RETREG1: variants seen among roughly 807,000 people sequenced by gnomAD.
RETREG1 encodes family with sequence similarity 134 member B.
A neutral mutation model predicts 54.8 loss-of-function variants in RETREG1; 44 were observed. The ratio of observed to expected loss-of-function variants is 0.80; its 90% CI spans 0.63 to 1.03. The LOEUF (loss-of-function observed/expected upper bound fraction) is 1.03. RETREG1 is among the 50% of genes least tolerant of loss of function. The pLI is 0.00. For missense variants in RETREG1, 554 were observed against 605.1 expected (o/e 0.92, Z 0.89); for synonymous variants, 217 against 238.5 (o/e 0.91, Z 0.83).
intron 3 of RETREG1, among the ~76,000 whole-genome samples, chr5:16,549,829 T>C (rs961949280): frequency 1.3e-5 from 2 of 150,446 alleles, no homozygotes; most frequent in African/African-American, 5.0e-5. Flanking sequence ...AAGATTGTAA[T>C]AACTGGCCCC....
intron 1 of RETREG1, among the ~76,000 whole-genome samples, chr5:16,572,457 C>A (rs1176543880): frequency 1.3e-5 from 2 of 152,124 alleles, no homozygotes; most frequent in East Asian, 3.9e-4. Flanking sequence ...AAGCGATCCA[C>A]CCACCTCGGC....
intron 3 of RETREG1, among the ~76,000 whole-genome samples, chr5:16,528,760 C>T (rs146621844): frequency 8.8e-4 from 134 of 152,232 alleles, no homozygotes; most frequent in African/African-American, 2.5e-3. Flanking sequence ...CATATTAAAA[C>T]GGGGATGGAG....
Position 16,576,562 on chromosome 5 carries a change from C to T in RETREG1, c.321-4460G>A, listed in dbSNP as rs367844979. On this transcript the variant is annotated intron_variant, in intron 1 of 8. Transcript: ENST00000306320. ...GTGCAATGGCACGATCTCGGCTCAC[C>T]GCAACCTCCGCCTCCCAGGTTCAAG... 6.1e-4 allele frequency among the ~76,000 whole-genome samples: 93 copies of T among 152,000 alleles called. 1 individual carries two copies. The highest frequency in any genetic ancestry group is 2.0e-3 in the African/African-American group (85 of 41,470).
chr5:16,490,391 C>G (rs1739196880), intron 3 of RETREG1, among the ~76,000 whole-genome samples: 2 of 152,122 alleles, frequency 1.3e-5, no homozygotes, highest in Admixed American at 1.3e-4. Flanking sequence ...ATTACTATGA[C>G]AGTTTTATTT....
intron 4 of RETREG1, among the ~76,000 whole-genome samples, chr5:16,481,889 A>C (rs1738788904): frequency 6.6e-6 from 1 of 152,032 alleles, no homozygotes; most frequent in African/African-American, 2.4e-5. Context: ...CCAGTCTTAA[A>C]CTGTCTTACA....
At chr5:16,596,259 T>C (rs970941553) in intron 1 of RETREG1, among the ~76,000 whole-genome samples, 14 of 152,214 alleles carry the variant, frequency 9.2e-5, no homozygotes, top group Non-Finnish European at 7.3e-5. Context: ...TTATCTTCCA[T>C]GATGCGTTTG....
intron 3 of RETREG1, among the ~76,000 whole-genome samples, chr5:16,500,427 A>G (rs57272434): frequency 0.016 from 2,498 of 152,230 alleles, 91 homozygotes; most frequent in African/African-American, 0.058. Flanking sequence ...CTGTGAGGCT[A>G]AAGAACCTGA....
chr5:16,566,586 A>C (rs1430070007), intron 2 of RETREG1, among the ~76,000 whole-genome samples: 1 of 152,248 alleles, frequency 6.6e-6, no homozygotes, highest in East Asian at 1.9e-4. Context: ...AATATCCCCT[A>C]TCGAGAGCTA....
chr5:16,475,250 C>T lies in RETREG1; in HGVS notation c.1001-16G>A. The T allele has an allele frequency of 6.2e-7, 1 of 1,608,466 alleles. No homozygotes were observed. The highest frequency in any genetic ancestry group is 1.1e-5 in the South Asian group (1 of 91,026). ...CGGTCAAGATCTGTGAAATGGATAACAGAAGTTCAGACTGAAGCACCATAA... is the reference window on the plus strand; with the variant it reads ...CGGTCAAGATCTGTGAAATGGATAATAGAAGTTCAGACTGAAGCACCATAA... On this transcript the variant is annotated splice_polypyrimidine_tract_variant and intron_variant, in intron 8 of 8. Coordinates refer to ENST00000306320, the MANE Select transcript of RETREG1 (RefSeq NM_001034850.3).
intron 1 of RETREG1, among the ~76,000 whole-genome samples, chr5:16,602,450 C>G (rs920275257): frequency 2.0e-5 from 3 of 152,178 alleles, no homozygotes; most frequent in Admixed American, 2.0e-4. Flanking sequence ...TTCCTGGGAA[C>G]TCTGGGACTC....
chr5:16,508,833 CT>C, intron 3 of RETREG1: 1 of 1,429,120 alleles, frequency 7.0e-7, no homozygotes, highest in Non-Finnish European at 9.1e-7. Context: ...TTGAATGAAG[CT>C]AGGAGCTGGG....
intron 3 of RETREG1, chr5:16,508,483 A>T: frequency 8.3e-7 from 1 of 1,202,934 alleles, no homozygotes. Context: ...TTTACATTTT[A>T]AACTCCTTTT....
In RETREG1 at chr5:16,595,103, C is replaced by A. The variant is rs541853266; in HGVS notation, c.320+21549G>T. On this transcript the variant is annotated intron_variant, in intron 1 of 8. Transcript: ENST00000306320. The stretch of plus-strand genomic sequence containing the variant: ...TCTATGCAACTCATAAGTAACTGAG[C>A]CCCAGACCAGAAACCATGAAGCCAT... 1.3e-5 allele frequency among the ~76,000 whole-genome samples: 2 copies of A among 152,300 alleles called. 1 individual carries two copies. Among genetic ancestry groups the A allele is most frequent in the South Asian group, 4.1e-4 (2 of 4,832 alleles).
At chr5:16,581,526 A>AACACACACACAC (rs3993834) in intron 1 of RETREG1, among the ~76,000 whole-genome samples, 1 of 143,640 alleles carries the variant, frequency 7.0e-6, no homozygotes, top group African/African-American at 2.9e-5. Context: ...TCAGAAACAC[A>AACACACACACAC]ACACACACAC....
chr5:16,587,863 C>T (rs1014577012), intron 1 of RETREG1, among the ~76,000 whole-genome samples: 1 of 152,180 alleles, frequency 6.6e-6, no homozygotes, highest in African/African-American at 2.4e-5. Context: ...CCCTCTTTGC[C>T]GGAAGCCCTG....
chr5:16,590,914 A>AC (rs71595970), intron 1 of RETREG1, among the ~76,000 whole-genome samples: 52,864 of 151,308 alleles, frequency 0.35, 10,387 homozygotes, highest in Non-Finnish European at 0.45. Context: ...AACACAAAAA[A>AC]ACACACACAT....
intron 3 of RETREG1, among the ~76,000 whole-genome samples, chr5:16,500,867 G>A (rs746933811): frequency 9.2e-5 from 14 of 152,116 alleles, no homozygotes; most frequent in South Asian, 4.2e-4. Flanking sequence ...AATGCACTCC[G>A]GAGCTGTTTA....
At chr5:16,583,450 G>A (rs1579707198) in intron 1 of RETREG1, among the ~76,000 whole-genome samples, 1 of 152,030 alleles carries the variant, frequency 6.6e-6, no homozygotes, top group African/African-American at 2.4e-5. Context: ...TGAAGATCAC[G>A]CCAGTGCACT....
At chr5:16,603,864 C>T (rs1205362095) in intron 1 of RETREG1, among the ~76,000 whole-genome samples, 2 of 145,418 alleles carry the variant, frequency 1.4e-5, no homozygotes, top group African/African-American at 2.5e-5. Context: ...ACCCCCCACC[C>T]GCCACCCTGG....
Sources: allele counts gnomAD v4.1 joint callset (sites outside exome capture counted in the v4.1 genomes callset), GRCh38; gene constraint gnomAD v4.1.1; transcripts MANE v1.5; gene names NCBI Gene and HGNC (gene_info 2026-07-23, HGNC 2026-07-21).